The following ATG16L1 variants were observed in gnomAD, a reference collection of about 807,000 sequenced individuals.
ATG16L1 encodes the protein autophagy related 16 like 1.
In ATG16L1, 37 loss-of-function variants were observed where a neutral mutation model predicts 88.5. The observed-to-expected ratio is 0.42, with a 90% CI of 0.32 to 0.55. The LOEUF (loss-of-function observed/expected upper bound fraction) is 0.55, where lower values mean the gene tolerates loss of function less well. Among genes scored for constraint, ATG16L1 ranks in the 20% least tolerant of loss-of-function variants. ATG16L1 has a pLI of 0.13. For missense variants in ATG16L1, 554 were observed against 752.8 expected (o/e 0.74, Z 3.09); for synonymous variants, 301 against 281.0 (o/e 1.07, Z -0.71).
chr2:233,252,016 C>A, intron 1 of ATG16L1, 74 bp downstream of exon 1: 1 of 1,326,934 alleles, frequency 7.5e-7, no homozygotes, highest in Non-Finnish European at 9.9e-7. Flanking sequence ...CAGCGGGAAC[C>A]TGAGGCCGAG....
intron 2 of ATG16L1, among the ~76,000 whole-genome samples, chr2:233,262,035 G>A (rs192253238): frequency 5.0e-4 from 76 of 152,214 alleles, no homozygotes; most frequent in African/African-American, 4.8e-5. Context: ...GGCCACAAAC[G>A]AACTCTTTAG....
intron 10 of ATG16L1, among the ~76,000 whole-genome samples, chr2:233,279,583 G>A (rs1291998333): frequency 6.6e-6 from 1 of 152,202 alleles, no homozygotes; most frequent in Non-Finnish European, 1.5e-5. Context: ...TCTTGGAAGA[G>A]GCCAAGTTCA....
chr2:233,276,673 C>T lies in ATG16L1; in HGVS notation c.955-895C>T, dbSNP rs116845637. The stretch of plus-strand genomic sequence containing the variant: ...TTTTAGTTTTTAAGAGACGAGGTTT[C>T]GCCACGTTGCCCAGGCTGGTCTTGA... On this transcript the variant is annotated intron_variant, in intron 9 of 17. Coordinates refer to ENST00000392017, the MANE Select transcript of ATG16L1 (RefSeq NM_030803.7). Among the ~76,000 whole-genome samples, 551 of 152,214 alleles carry T rather than the reference C, an allele frequency of 3.6e-3. 9 individuals carry two copies. Among genetic ancestry groups the T allele is most frequent in the East Asian group, 0.028 (146 of 5,164 alleles).
At position 233,274,785 on chromosome 2, in the gene ATG16L1, A is replaced by G; in HGVS notation, c.954+7A>G. On this transcript the variant is annotated splice_region_variant and intron_variant, in intron 9 of 17. Coordinates refer to ENST00000392017, the MANE Select transcript of ATG16L1 (RefSeq NM_030803.7). ...TACTGCCTTGTGTGTCTTCGTAAGT[A>G]TGCTTCAGCCCCGAACCCTACCACG... 2 of 1,603,810 alleles carry G rather than the reference A, an allele frequency of 1.2e-6. No homozygotes were observed. The highest frequency in any genetic ancestry group is 1.7e-6 in the Non-Finnish European group (2 of 1,170,872).
intron 6 of ATG16L1, among the ~76,000 whole-genome samples, chr2:233,271,949 A>G (rs542772295): frequency 6.6e-6 from 1 of 152,364 alleles, no homozygotes; most frequent in East Asian, 1.9e-4. Context: ...AATTACACAT[A>G]GTCCTGGAAT....
At chr2:233,255,388 C>T (rs1696706319) in intron 1 of ATG16L1, among the ~76,000 whole-genome samples, 3 of 152,238 alleles carry the variant, frequency 2.0e-5, no homozygotes, top group Admixed American at 1.3e-4. Flanking sequence ...AAGCTCTCCC[C>T]TCTTGTGTTC....
chr2:233,292,360 G>C (rs200653298), intron 15 of ATG16L1, 27 bp from the exon 16 acceptor site: 82 of 1,614,046 alleles, frequency 5.1e-5, no homozygotes, highest in Non-Finnish European at 5.8e-5. Context: ...AGCTCCCTCA[G>C]TGACAGTGCC....
intron 10 of ATG16L1, among the ~76,000 whole-genome samples, chr2:233,278,495 C>T (rs1426818868): frequency 6.6e-6 from 1 of 152,170 alleles, no homozygotes; most frequent in African/African-American, 2.4e-5. Context: ...CCCTGATCAT[C>T]ACAACAGCCC....
At chr2:233,293,464 T>TC in intron 17 of ATG16L1, 107 bp downstream of exon 17, 1 of 1,009,118 alleles carries the variant, frequency 9.9e-7, no homozygotes, top group Non-Finnish European at 1.5e-6. Context: ...GAGGGCACTG[T>TC]CCGCCCACCT....
chr2:233,274,462 G>A (rs2125251082), intron 8 of ATG16L1: 1 of 493,672 alleles, frequency 2.0e-6, no homozygotes, highest in East Asian at 3.3e-5. Context: ...TAGTGTGCAG[G>A]AGAGTAAGGC....
In ATG16L1 at chr2:233,277,549, CAG is replaced by C. The variant is rs1468975734; in HGVS notation, c.955-18_955-17del. The C allele has an allele frequency of 2.5e-6, 4 of 1,610,586 alleles. No individual in the cohort carries two copies. The highest frequency in any genetic ancestry group is 1.7e-4 in the Middle Eastern group (1 of 6,054). On this transcript the variant is annotated splice_polypyrimidine_tract_variant and intron_variant, in intron 9 of 17. Transcript: ENST00000392017. ...GGGATGAGAATGACTGGGTTTGACACAGGGTGCTTGTCTTGCAGGATGCACAT... is the reference window on the plus strand; with the variant it reads ...GGGATGAGAATGACTGGGTTTGACACGGTGCTTGTCTTGCAGGATGCACAT...
intron 10 of ATG16L1, among the ~76,000 whole-genome samples, chr2:233,280,297 G>T (rs1357235036): frequency 3.3e-5 from 5 of 152,168 alleles, no homozygotes; most frequent in African/African-American, 1.2e-4. Context: ...TAGCTTATCT[G>T]TGTGGATCAT....
intron 12 of ATG16L1, among the ~76,000 whole-genome samples, chr2:233,285,136 C>G (rs942553099): frequency 6.6e-6 from 1 of 152,216 alleles, no homozygotes; most frequent in African/African-American, 2.4e-5. Context: ...AAAAGATGGC[C>G]TAGCCGGTAC....
At chr2:233,261,831 G>A (rs1697238542) in intron 2 of ATG16L1, among the ~76,000 whole-genome samples, 1 of 152,166 alleles carries the variant, frequency 6.6e-6, no homozygotes, top group African/African-American at 2.4e-5. Flanking sequence ...CTGTATCTGA[G>A]ATATTATGCA....
intron 17 of ATG16L1, 80 bp from the exon 18 acceptor site, chr2:233,294,177 C>A: frequency 8.4e-7 from 1 of 1,186,346 alleles, no homozygotes; most frequent in Middle Eastern, 2.0e-4. Flanking sequence ...CCTGAATGCA[C>A]AAGCTTCTGG....
At chr2:233,286,621 CT>C (rs10676895) in intron 12 of ATG16L1, among the ~76,000 whole-genome samples, 134 of 93,290 alleles carry the variant, frequency 1.4e-3, no homozygotes, top group Middle Eastern at 7.6e-3. Flanking sequence ...GAAGCCCAAA[CT>C]TTTTTTTTTT....
chr2:233,282,796 T>C (rs1252440462), intron 12 of ATG16L1, 43 bp downstream of exon 12: 2 of 1,581,418 alleles, frequency 1.3e-6, no homozygotes, highest in Admixed American at 3.3e-5. Flanking sequence ...CCAAACTTCA[T>C]GTGGTGTTAT....
chr2:233,273,478 T>C (rs1698128492), intron 7 of ATG16L1: 2 of 545,854 alleles, frequency 3.7e-6, no homozygotes, highest in Admixed American at 3.5e-5. Context: ...TAATGCTTTA[T>C]TTCCAGGGAA....
At chr2:233,253,175 T>G (rs571754859) in intron 1 of ATG16L1, among the ~76,000 whole-genome samples, 1 of 152,218 alleles carries the variant, frequency 6.6e-6, no homozygotes, top group African/African-American at 2.4e-5. Flanking sequence ...GCAGACAAAT[T>G]TTAGTACTGT....
Sources: allele counts gnomAD v4.1 joint callset (sites outside exome capture counted in the v4.1 genomes callset), GRCh38; gene constraint gnomAD v4.1.1; transcripts MANE v1.5; gene names NCBI Gene and HGNC (gene_info 2026-07-23, HGNC 2026-07-21).